Variants in MACROD2 observed in about 807,000 individuals in gnomAD.
The protein encoded by MACROD2 is ADP-ribose glycohydrolase MACROD2.
MACROD2 carries 36 observed loss-of-function variants against 70.4 expected under a neutral mutation model. That is an observed-to-expected ratio of 0.51 (90% CI 0.39 to 0.68). MACROD2 has a LOEUF of 0.68. MACROD2 is among the 30% of genes least tolerant of loss of function. The probability of loss-of-function intolerance (pLI) is 0.00; values close to 1 mark genes in which losing one functional copy is unlikely to be tolerated. For synonymous variants in MACROD2, 172 were observed against 178.8 expected (o/e 0.96, Z 0.30); for missense variants, 496 against 538.4 (o/e 0.92, Z 0.78).
chr20:14,546,167 A>C (rs1171587306), intron 4 of MACROD2, among the ~76,000 whole-genome samples: 1 of 152,226 alleles, frequency 6.6e-6, no homozygotes, highest in African/African-American at 2.4e-5. Flanking sequence ...TGTAGATATT[A>C]GGAACTGTTG....
intron 8 of MACROD2, among the ~76,000 whole-genome samples, chr20:15,627,661 G>A (rs945090622): frequency 3.3e-5 from 5 of 152,120 alleles, no homozygotes; most frequent in African/African-American, 1.2e-4. Flanking sequence ...GTGGAGTCAT[G>A]GGTATCAGAC....
intron 6 of MACROD2, among the ~76,000 whole-genome samples, chr20:15,397,269 T>G (rs1168870342): frequency 6.6e-6 from 1 of 152,150 alleles, no homozygotes; most frequent in African/African-American, 2.4e-5. Context: ...TTTTAGCTTC[T>G]TGCTTTTTCT....
At chr20:14,310,447 G>T (rs548812168) in intron 3 of MACROD2, among the ~76,000 whole-genome samples, 8 of 152,108 alleles carry the variant, frequency 5.3e-5, no homozygotes, top group African/African-American at 1.9e-4. Context: ...TCCTATGGCC[G>T]TCATAAGGTC....
intron 4 of MACROD2, among the ~76,000 whole-genome samples, chr20:14,502,700 G>C (rs191733850): frequency 6.6e-6 from 1 of 152,000 alleles, no homozygotes; most frequent in Non-Finnish European, 1.5e-5. Context: ...ATATGGTGAT[G>C]GTGTATCCAA....
chr20:15,234,515 T>C (rs2076996743), intron 6 of MACROD2, among the ~76,000 whole-genome samples: 1 of 151,932 alleles, frequency 6.6e-6, no homozygotes, highest in Admixed American at 6.6e-5. Context: ...GACAAAGATA[T>C]AGCTGTCAAA....
intron 8 of MACROD2, among the ~76,000 whole-genome samples, chr20:15,862,070 A>G (rs2064431898): frequency 6.6e-6 from 1 of 152,232 alleles, no homozygotes. Flanking sequence ...AACTCTTTAC[A>G]TACAGAAGTT....
intron 5 of MACROD2, among the ~76,000 whole-genome samples, chr20:15,213,547 G>T (rs190287091): frequency 1.7e-3 from 254 of 152,110 alleles, no homozygotes; most frequent in South Asian, 0.016. Flanking sequence ...TTGAGTTTAT[G>T]CTGGGTGCAG....
chr20:16,018,951 A>G (rs964184296), intron 15 of MACROD2, among the ~76,000 whole-genome samples: 2 of 152,192 alleles, frequency 1.3e-5, no homozygotes, highest in Non-Finnish European at 2.9e-5. Context: ...CTCTGTTAAC[A>G]TGAGACATCC....
At chr20:14,186,382 A>G (rs1439016983) in intron 3 of MACROD2, among the ~76,000 whole-genome samples, 3 of 152,182 alleles carry the variant, frequency 2.0e-5, no homozygotes, top group Non-Finnish European at 4.4e-5. Flanking sequence ...AATTAGAGAA[A>G]TGCAAATCAA....
chr20:14,938,832 C>A (rs2122700381), intron 5 of MACROD2, among the ~76,000 whole-genome samples: 1 of 151,514 alleles, frequency 6.6e-6, no homozygotes, highest in East Asian at 1.9e-4. Context: ...AGAGAGATTT[C>A]TTCTGGAAAA....
At chr20:15,157,349 ACCCCCCCCCACC>A (rs2076314495) in intron 5 of MACROD2, among the ~76,000 whole-genome samples, 1 of 109,400 alleles carries the variant, frequency 9.1e-6, no homozygotes, top group African/African-American at 3.5e-5. Context: ...CTAATTAACC[ACCCCCCCCCACC>A]TCCCCCCCCC....
chr20:14,287,951 TATATA>T (rs1283336550), intron 3 of MACROD2, among the ~76,000 whole-genome samples: 2 of 152,152 alleles, frequency 1.3e-5, no homozygotes, highest in Non-Finnish European at 2.9e-5. Flanking sequence ...GTTACAATCT[TATATA>T]ATGTAATCAT....
chr20:15,095,854 ATGTTGTTTGTG>A lies in MACROD2; in HGVS notation c.419-134082_419-134072del, dbSNP rs555432829. ...CAGTTCTTTATGTTTGAATAACACC[ATGTTGTTTGTG>A]TGTGTGTGTGTGTGTGTGTGTGTGT... On this transcript the variant is annotated intron_variant, in intron 5 of 17. Coordinates refer to ENST00000684519, the MANE Select transcript of MACROD2 (RefSeq NM_001351661.2). Among the ~76,000 whole-genome samples the A allele has an allele frequency of 1.4e-3, 171 of 119,556 alleles. 2 individuals carry two copies. The highest frequency in any genetic ancestry group is 4.6e-4 in the East Asian group (2 of 4,334). 78.4% of individuals were successfully genotyped at this position (119,556 alleles called of 152,430 possible).
intron 5 of MACROD2, among the ~76,000 whole-genome samples, chr20:15,224,337 T>C (rs1293162749): frequency 1.3e-5 from 2 of 152,218 alleles, no homozygotes; most frequent in Non-Finnish European, 2.9e-5. Context: ...GTAATGAGAT[T>C]CATGACAAAC....
chr20:14,878,007 TC>T (rs2073569126), intron 5 of MACROD2, among the ~76,000 whole-genome samples: 2 of 151,964 alleles, frequency 1.3e-5, no homozygotes, highest in Non-Finnish European at 2.9e-5. Flanking sequence ...TAGGGAAGAG[TC>T]CCTTTTCCTC....
chr20:14,994,246 TA>T (rs915724474), intron 5 of MACROD2, among the ~76,000 whole-genome samples: 7 of 150,318 alleles, frequency 4.7e-5, no homozygotes, highest in South Asian at 2.1e-4. Flanking sequence ...CTTCATTGAA[TA>T]AAAAAAAAGA....
At chr20:14,341,100 C>T (rs2083008371) in intron 3 of MACROD2, among the ~76,000 whole-genome samples, 1 of 152,190 alleles carries the variant, frequency 6.6e-6, no homozygotes, top group Admixed American at 6.5e-5. Flanking sequence ...GTTAAGCTAC[C>T]TCATTCACAC....
intron 3 of MACROD2, among the ~76,000 whole-genome samples, chr20:14,110,385 A>G (rs772449057): frequency 3.9e-5 from 6 of 152,002 alleles, no homozygotes; most frequent in Admixed American, 6.6e-5. Flanking sequence ...AGCTAGAGCA[A>G]TCAGACAAGA....
intron 3 of MACROD2, among the ~76,000 whole-genome samples, chr20:14,285,806 C>A (rs1467218805): frequency 6.6e-6 from 1 of 151,758 alleles, no homozygotes; most frequent in East Asian, 1.9e-4. Context: ...TCATTCAGTC[C>A]CTCTCCCACA....
Sources: allele counts gnomAD v4.1 joint callset (sites outside exome capture counted in the v4.1 genomes callset), GRCh38; gene constraint gnomAD v4.1.1; transcripts MANE v1.5; gene names NCBI Gene and HGNC (gene_info 2026-07-23, HGNC 2026-07-21).